The following CAMSAP3 variants were observed in gnomAD, a reference collection of about 807,000 sequenced individuals.
CAMSAP3 encodes calmodulin regulated spectrin associated protein family member 3, also known as calmodulin-regulated spectrin-associated protein 3.
A neutral mutation model predicts 112.5 loss-of-function variants in CAMSAP3; 34 were observed. The ratio of observed to expected loss-of-function variants is 0.30; its 90% confidence interval spans 0.23 to 0.40. The LOEUF (loss-of-function observed/expected upper bound fraction) is 0.40, where lower values mean the gene tolerates loss of function less well. CAMSAP3 is among the 10% of genes least tolerant of loss of function. The pLI is 1.00. For missense variants in CAMSAP3, 1,602 were observed against 1,770.3 expected, an observed-to-expected ratio of 0.90 and a Z score of 1.71; for synonymous variants, 868 against 799.8, an observed-to-expected ratio of 1.09 and a Z score of -1.44.
chr19:7,607,535 A>G lies in CAMSAP3; in HGVS notation c.622-591A>G, dbSNP rs2030279943. ...CCCCCACCCTGGGGCCTGGGTTGGG[A>G]GGTTCCCTTCCTGCCTACCCGCTTC... On this transcript the variant is annotated intron_variant, in intron 4 of 16. Coordinates refer to ENST00000160298, the MANE Select transcript of CAMSAP3 (RefSeq NM_020902.2). This position sits in a 1 kb window ranked among gnomAD's most constrained non-coding sequence, Gnocchi z 4.9. Among the ~76,000 whole-genome samples, 1 of 151,890 alleles carries G rather than the reference A, an allele frequency of 6.6e-6. No homozygotes were observed. Among genetic ancestry groups the G allele is most frequent in the Non-Finnish European group, 1.5e-5 (1 of 67,922 alleles).
chr19:7,604,661 A>T (rs1599348162), intron 1 of CAMSAP3, among the ~76,000 whole-genome samples: 1 of 145,476 alleles, frequency 6.9e-6, no homozygotes, highest in East Asian at 2.2e-4. Context: ...CCTGCAAGCT[A>T]AGAGAGGGCG....
intron 11 of CAMSAP3, 59 bp downstream of exon 11, chr19:7,613,222 C>T (rs889341912): frequency 7.7e-5 from 3 of 39,094 alleles, no homozygotes; most frequent in African/African-American, 2.1e-4. Context: ...CGGGTGGGGG[C>T]GGGGGGAGGT....
chr19:7,618,140 C>CCTGT lies in CAMSAP3; in HGVS notation c.*89_*92dup. 2.8e-6 allele frequency: 4 copies of CCTGT among 1,446,638 alleles called. No individual in the cohort carries two copies. Among genetic ancestry groups the CCTGT allele is most frequent in the Non-Finnish European group, 3.7e-6 (4 of 1,069,134 alleles). The allele number at this position is 1,446,638 out of a possible 1,614,324, so 89.6% of individuals were successfully genotyped here. A position where few individuals can be genotyped will look rare whatever the true frequency, so the allele number is the denominator to read the frequency against. ...GGACAGTCAGTCGGTATTCCTGGGT[C>CCTGT]CTGTCTGTCCCCAACCGTGTCTGGG... On this transcript the variant is annotated 3_prime_UTR_variant, in exon 17 of 17. Transcript: ENST00000160298.
At position 7,616,301 on chromosome 19, in the gene CAMSAP3, G is replaced by T. The variant is rs1386107774; in HGVS notation, c.3113-222G>T. ...AGGAACCTTTGGGAGTATGTTTGGG[G>T]TGAGGCGTTGCCAGTAGGGGCTGAC... On this transcript the variant is annotated intron_variant, in intron 13 of 16. Transcript: ENST00000160298. 4 of 516,832 alleles carry T rather than the reference G, an allele frequency of 7.7e-6. No individual in the cohort carries two copies. The Admixed American group carries it at 9.5e-5, about 12-fold the overall frequency. 32.0% of individuals were successfully genotyped at this position (516,832 alleles called of 1,614,324 possible). A position where few individuals can be genotyped will look rare whatever the true frequency, so the allele number is the denominator to read the frequency against.
Position 7,610,364 on chromosome 19 carries a change from A to G in CAMSAP3, c.761-112A>G. On this transcript the variant is annotated intron_variant, in intron 5 of 16. Coordinates refer to ENST00000160298, the MANE Select transcript of CAMSAP3 (RefSeq NM_020902.2). The surrounding 1 kb of genome is among the most constrained non-coding windows in gnomAD (Gnocchi z 4.9). ...CACCTCTCGAAGGGCACCTGGCAGA[A>G]GCTGGGCTCATAGGAGGTCTTCCGT... The G allele has an allele frequency of 2.1e-6, 2 of 930,244 alleles. No individual in the cohort carries two copies. The highest frequency in any genetic ancestry group is 1.6e-5 in the South Asian group (1 of 61,716). 57.6% of individuals were successfully genotyped at this position (930,244 alleles called of 1,614,324 possible). A position where few individuals can be genotyped will look rare whatever the true frequency, so the allele number is the denominator to read the frequency against.
intron 1 of CAMSAP3, 75 bp from the exon 2 acceptor site, chr19:7,605,147 GGTGT>G (rs56244737): frequency 1.5e-3 from 951 of 620,950 alleles, no homozygotes; most frequent in South Asian, 3.2e-3. Context: ...CGGGCCATGT[GGTGT>G]GTGTGTGTGT....
Position 7,610,994 on chromosome 19 carries a change from C to CTGAG in CAMSAP3, c.1049+64_1049+67dup, listed in dbSNP as rs2030453905. On this transcript the variant is annotated intron_variant, in intron 8 of 16. Transcript: ENST00000160298. The surrounding 1 kb of genome is among the most constrained non-coding windows in gnomAD (Gnocchi z 4.9). Reference sequence around the variant, plus strand: ...GGTGTGGGGCTCCATGTCTGCCTTGCTGAGCACTGGGACGCAGCTGGGTGA... The same window carrying CTGAG: ...GGTGTGGGGCTCCATGTCTGCCTTGCTGAGTGAGCACTGGGACGCAGCTGGGTGA... 1.3e-6 allele frequency: 2 copies of CTGAG among 1,582,632 alleles called. No individual in the cohort carries two copies. Among genetic ancestry groups the CTGAG allele is most frequent in the South Asian group, 1.1e-5 (1 of 88,044 alleles).
intron 5 of CAMSAP3, among the ~76,000 whole-genome samples, chr19:7,608,668 TC>T (rs2030334303): frequency 6.7e-6 from 1 of 148,274 alleles, no homozygotes; most frequent in Non-Finnish European, 1.5e-5. Context: ...GGAGTCTTGC[TC>T]TGTTGCCCAG....
chr19:7,608,256 G>A lies in CAMSAP3; in HGVS notation c.752G>A (p.Arg251Gln), dbSNP rs774857030. 55 of 1,611,280 alleles carry A rather than the reference G, an allele frequency of 3.4e-5. No individual in the cohort carries two copies. The highest frequency in any genetic ancestry group is 4.1e-5 in the Non-Finnish European group (48 of 1,178,722). The stretch of plus-strand genomic sequence containing the variant: ...CACTGCTATTGTCCCCAGCTGCTTC[G>A]ACTTGAGGGTGAGTAAATGGATGTG... ...TIHCYCPQLLRLEEVCLKDPM... is the reference protein window; with the variant it reads ...TIHCYCPQLLQLEEVCLKDPM... Residue 251 changes from arginine to glutamine, a missense_variant, in exon 5 of 17, where the codon CGA (arginine) becomes CAA (glutamine). Coordinates refer to ENST00000160298, the MANE Select transcript of CAMSAP3 (RefSeq NM_020902.2).
chr19:7,613,474 G>A (rs1236800620), intron 11 of CAMSAP3, among the ~76,000 whole-genome samples: 1 of 151,262 alleles, frequency 6.6e-6, no homozygotes. Context: ...GGGCTGTGGG[G>A]GTGCAGTGGG....
intron 11 of CAMSAP3, among the ~76,000 whole-genome samples, chr19:7,614,413 C>T (rs59920298): frequency 1.3e-5 from 2 of 148,550 alleles, no homozygotes; most frequent in East Asian, 4.1e-4. Flanking sequence ...GTGGCATGAT[C>T]TCGGTTCACT....
At chr19:7,606,828 C>A (rs1007777622) in intron 4 of CAMSAP3, 2 of 1,613,416 alleles carry the variant, frequency 1.2e-6, no homozygotes, top group Non-Finnish European at 1.7e-6. Flanking sequence ...GGCTGTCTGT[C>A]CGCCCCGTCT....
chr19:7,599,467 ACCCACC>A (rs2029864458), intron 1 of CAMSAP3, among the ~76,000 whole-genome samples: 1 of 16,610 alleles, frequency 6.0e-5, no homozygotes, highest in Admixed American at 9.9e-4. Context: ...CCACCCACCC[ACCCACC>A]CCACTCATCC....
intron 14 of CAMSAP3, 51 bp downstream of exon 14, chr19:7,616,673 G>A (rs773369461): frequency 1.3e-4 from 172 of 1,340,178 alleles, no homozygotes; most frequent in Middle Eastern, 9.0e-4. Flanking sequence ...GCTTCCCAGA[G>A]CCTGGGAGGT....
Position 7,611,963 on chromosome 19 carries a change from G to T in CAMSAP3, c.1470G>T (p.Gly490=). 1 of 1,610,874 alleles carries T rather than the reference G, an allele frequency of 6.2e-7. No homozygotes were observed. ...DGSFYLHSPE[G]PSKPSLASPY... is the part of the protein sequence containing the mutation. The stretch of plus-strand genomic sequence containing the variant: ...GCTTCTACCTCCACTCCCCTGAGGG[G>T]CCCTCCAAGCCATCCCTGGCCTCCC... Residue 490 remains glycine, a synonymous_variant, in exon 11 of 17, where the codon GGG becomes GGT. Transcript: ENST00000160298. The surrounding 1 kb of genome is among the most constrained non-coding windows in gnomAD (Gnocchi z 6.9).
chr19:7,600,026 C>T (rs1176379339), intron 1 of CAMSAP3, among the ~76,000 whole-genome samples: 2 of 21,982 alleles, frequency 9.1e-5, no homozygotes, highest in Non-Finnish European at 8.5e-5. Flanking sequence ...CACCCGCCCA[C>T]TCATCCATCC....
Position 7,607,893 on chromosome 19 carries a change from C to T in CAMSAP3, c.622-233C>T. 2 of 932,004 alleles carry T rather than the reference C, an allele frequency of 2.1e-6. No individual in the cohort carries two copies. Among genetic ancestry groups the T allele is most frequent in the Non-Finnish European group, 3.4e-6 (2 of 589,886 alleles). The allele number at this position is 932,004 out of a possible 1,614,324, so 57.7% of individuals were successfully genotyped here. On this transcript the variant is annotated intron_variant, in intron 4 of 16. Coordinates refer to ENST00000160298, the MANE Select transcript of CAMSAP3 (RefSeq NM_020902.2). The surrounding 1 kb of genome is among the most constrained non-coding windows in gnomAD (Gnocchi z 4.9). ...GGTAATGTATCCCCCGCCCCGGGGTCCCAGGAGTCCCTGTCCCCAGCCCCC... is the reference window on the plus strand; with the variant it reads ...GGTAATGTATCCCCCGCCCCGGGGTTCCAGGAGTCCCTGTCCCCAGCCCCC...
At position 7,615,736 on chromosome 19, in the gene CAMSAP3, G is replaced by A. The variant is rs747697279; in HGVS notation, c.3112+17G>A. 1.4e-6 allele frequency: 2 copies of A among 1,389,958 alleles called. No individual in the cohort carries two copies. Among genetic ancestry groups the A allele is most frequent in the South Asian group, 3.2e-5 (2 of 62,520 alleles). The allele number at this position is 1,389,958 out of a possible 1,614,324, so 86.1% of individuals were successfully genotyped here. On this transcript the variant is annotated intron_variant, in intron 13 of 16. Coordinates refer to ENST00000160298, the MANE Select transcript of CAMSAP3 (RefSeq NM_020902.2). The surrounding 1 kb of genome is among the most constrained non-coding windows in gnomAD (Gnocchi z 6.5). Reference sequence around the variant, plus strand: ...GCCTGCTGGGTGAGGACCCTTGGGGGACGGGGCCTGCCCAGTGCCCTTTCC... The same window carrying A: ...GCCTGCTGGGTGAGGACCCTTGGGGAACGGGGCCTGCCCAGTGCCCTTTCC...
chr19:7,599,420 CCAT>C (rs1196690364), intron 1 of CAMSAP3, among the ~76,000 whole-genome samples: 2 of 141,770 alleles, frequency 1.4e-5, no homozygotes. Flanking sequence ...ATCCATCCAT[CCAT>C]CCACCCACCT....
Sources: gnomAD v4.1 joint callset for allele counts (sites outside exome capture counted in the v4.1 genomes callset) on GRCh38, gnomAD v4.1.1 for gene constraint, Gnocchi (gnomAD v3.1) non-coding constraint, MANE v1.5 for transcripts, NCBI Gene and HGNC (gene_info 2026-07-23, HGNC 2026-07-21) for gene names.